Variants in FUT9 observed in about 807,000 individuals in gnomAD.
FUT9 encodes 4-galactosyl-N-acetylglucosaminide 3-alpha-L-fucosyltransferase 9.
In FUT9, 15 loss-of-function variants were observed where a neutral mutation model predicts 29.7. The observed-to-expected ratio is 0.51, with a 90% CI of 0.34 to 0.78. The LOEUF is 0.78. Ranked by LOEUF, FUT9 falls within the 30% of genes least tolerant of loss-of-function variation. FUT9 has a pLI of 0.01. For synonymous variants in FUT9, 169 were observed against 153.7 expected, an observed-to-expected ratio of 1.10 and a Z score of -0.74; for missense variants, 319 against 425.4, an observed-to-expected ratio of 0.75 and a Z score of 2.20.
chr6:96,070,163 G>A (rs9322641), intron 1 of FUT9, among the ~76,000 whole-genome samples: 84,080 of 151,934 alleles, frequency 0.55, 23,386 homozygotes, highest in South Asian at 0.64. Flanking sequence ...ATAAGTGAGG[G>A]GACACCTATC....
intron 1 of FUT9, among the ~76,000 whole-genome samples, chr6:96,040,437 ATTC>A (rs1770439807): frequency 6.6e-6 from 1 of 152,232 alleles, no homozygotes; most frequent in Admixed American, 6.5e-5. Flanking sequence ...AATCCTCGAT[ATTC>A]TTGGAGAATA....
intron 1 of FUT9, among the ~76,000 whole-genome samples, chr6:96,101,403 G>A (rs1562124575): frequency 6.6e-6 from 1 of 151,886 alleles, no homozygotes; most frequent in Non-Finnish European, 1.5e-5. Context: ...AGCCAGATGT[G>A]TTGTGGGGGC....
Position 96,040,050 on chromosome 6 carries a change from C to T in FUT9, c.-98+23838C>T, listed in dbSNP as rs533160793. ...TAGGCTCTCATTACATGTTAAGTAG[C>T]GATAACTAATTTATCATACCATGTA... On this transcript the variant is annotated intron_variant, in intron 1 of 2. Transcript: ENST00000302103. 9.9e-5 allele frequency among the ~76,000 whole-genome samples: 15 copies of T among 151,874 alleles called. No individual in the cohort carries two copies. In the East Asian group the frequency reaches 2.3e-3, roughly 24 times the overall value.
Position 96,075,136 on chromosome 6 carries a change from G to A in FUT9, c.-97-38903G>A, listed in dbSNP as rs114320197. On this transcript the variant is annotated intron_variant, in intron 1 of 2. Coordinates refer to ENST00000302103, the MANE Select transcript of FUT9 (RefSeq NM_006581.4). The stretch of plus-strand genomic sequence containing the variant: ...ATGTATTATATAGATGTGTGTGTGC[G>A]TGTGTGTGTAGGTGTGTGTGTGTAT... 4.8e-3 allele frequency among the ~76,000 whole-genome samples: 723 copies of A among 152,078 alleles called. 5 individuals carry two copies. The highest frequency in any genetic ancestry group is 0.017 in the African/African-American group (698 of 41,486).
chr6:96,113,853 C>CAA (rs11316093), intron 1 of FUT9, among the ~76,000 whole-genome samples, 186 bp from the exon 2 acceptor site: 3,451 of 124,700 alleles, frequency 0.028, 64 homozygotes, highest in East Asian at 0.08. Flanking sequence ...GACTCCATCT[C>CAA]AAAAAAAAAA....
At chr6:96,180,613 TC>T (rs769009675) in intron 2 of FUT9, among the ~76,000 whole-genome samples, 3 of 151,990 alleles carry the variant, frequency 2.0e-5, no homozygotes, top group Non-Finnish European at 2.9e-5. Flanking sequence ...CCTTTGGCTA[TC>T]CCCCTGCCAC....
intron 2 of FUT9, among the ~76,000 whole-genome samples, chr6:96,190,304 G>A (rs967965812): frequency 6.6e-6 from 1 of 152,088 alleles, no homozygotes; most frequent in Non-Finnish European, 1.5e-5. Context: ...TTCCTTTTGT[G>A]GGTAACCCGA....
chr6:96,098,533 T>G (rs1354801633), intron 1 of FUT9, among the ~76,000 whole-genome samples: 1 of 152,180 alleles, frequency 6.6e-6, no homozygotes, highest in Non-Finnish European at 1.5e-5. Flanking sequence ...TAAATTCCAT[T>G]GTCAGTTTCA....
intron 2 of FUT9, among the ~76,000 whole-genome samples, chr6:96,183,258 G>T (rs1385475295): frequency 6.6e-6 from 1 of 151,888 alleles, no homozygotes; most frequent in Admixed American, 6.6e-5. Context: ...GGTCATTGTT[G>T]GTGCATAGGA....
At chr6:96,087,987 T>C (rs139506203) in intron 1 of FUT9, among the ~76,000 whole-genome samples, 1,612 of 152,336 alleles carry the variant, frequency 0.011, 13 homozygotes, top group Non-Finnish European at 0.015. Context: ...TCACTGGCTA[T>C]GCAATTCTGT....
chr6:96,191,635 C>T (rs149211882), intron 2 of FUT9, among the ~76,000 whole-genome samples: 247 of 152,220 alleles, frequency 1.6e-3, no homozygotes, highest in Non-Finnish European at 2.6e-3. Context: ...GCTTCACAGC[C>T]GAATTCTATC....
At chr6:96,048,834 G>A (rs934863978) in intron 1 of FUT9, among the ~76,000 whole-genome samples, 8 of 152,130 alleles carry the variant, frequency 5.3e-5, no homozygotes, top group Non-Finnish European at 1.0e-4. Flanking sequence ...ATTTTCCTGA[G>A]TGGTGCATCT....
intron 1 of FUT9, among the ~76,000 whole-genome samples, chr6:96,031,787 A>G (rs767990809): frequency 6.6e-6 from 1 of 151,532 alleles, no homozygotes; most frequent in Non-Finnish European, 1.5e-5. Flanking sequence ...AGTCTTTTTA[A>G]ATATATTTTT....
chr6:96,065,341 T>G (rs1445581595), intron 1 of FUT9, among the ~76,000 whole-genome samples: 1 of 152,168 alleles, frequency 6.6e-6, no homozygotes, highest in Non-Finnish European at 1.5e-5. Context: ...TCTTAAGGAT[T>G]TGCCTTTCAA....
At chr6:96,141,417 G>T (rs6903279) in intron 2 of FUT9, among the ~76,000 whole-genome samples, 26,673 of 152,098 alleles carry the variant, frequency 0.18, 2,713 homozygotes, top group East Asian at 0.31. Context: ...ACACAAAATG[G>T]TTTGGTAAGT....
intron 2 of FUT9, among the ~76,000 whole-genome samples, chr6:96,116,428 A>G (rs1202016720): frequency 6.6e-6 from 1 of 152,200 alleles, no homozygotes; most frequent in Non-Finnish European, 1.5e-5. Flanking sequence ...CCCATTCATA[A>G]GTATTTACCC....
chr6:96,018,898 G>A (rs888322477), intron 1 of FUT9, among the ~76,000 whole-genome samples: 1 of 151,630 alleles, frequency 6.6e-6, no homozygotes, highest in African/African-American at 2.4e-5. Context: ...CTAAATATGA[G>A]TTCTATTATT....
intron 2 of FUT9, among the ~76,000 whole-genome samples, chr6:96,184,037 T>C (rs766932075): frequency 2.4e-4 from 37 of 152,210 alleles, no homozygotes; most frequent in Middle Eastern, 3.4e-3. Flanking sequence ...CTTCTTTTCA[T>C]GTCTGGTAGA....
At chr6:96,172,015 T>C (rs2127983286) in intron 2 of FUT9, among the ~76,000 whole-genome samples, 1 of 152,296 alleles carries the variant, frequency 6.6e-6, no homozygotes, top group Admixed American at 6.5e-5. Flanking sequence ...ACTGGGAGAC[T>C]TAAACCACAG....
Sources: gnomAD v4.1 joint callset for allele counts (sites outside exome capture counted in the v4.1 genomes callset) on GRCh38, gnomAD v4.1.1 for gene constraint, MANE v1.5 for transcripts, NCBI Gene and HGNC (gene_info 2026-07-23, HGNC 2026-07-21) for gene names.